The following GAREM1 variants were observed in gnomAD, a reference collection of about 807,000 sequenced individuals.
The protein encoded by GAREM1 is GRB2 associated regulator of MAPK1 subtype 1.
In GAREM1, 26 loss-of-function variants were observed where a neutral mutation model predicts 71.3. The observed-to-expected ratio is 0.36, with a 90% CI of 0.27 to 0.51. The LOEUF (loss-of-function observed/expected upper bound fraction) is 0.51. GAREM1 is among the 20% of genes least tolerant of loss of function. The pLI, the probability that GAREM1 is intolerant of heterozygous loss-of-function variation, is 0.95. For synonymous variants in GAREM1, 440 were observed against 433.2 expected (o/e 1.02, Z -0.20); for missense variants, 1,026 against 1,103.1 (o/e 0.93, Z 0.99).
chr18:32,284,907 G>A (rs1401797444), intron 4 of GAREM1, among the ~76,000 whole-genome samples: 6 of 151,810 alleles, frequency 4.0e-5, no homozygotes, highest in Non-Finnish European at 5.9e-5. Flanking sequence ...CCGCCACCAC[G>A]CCCAGCTAAT....
At chr18:32,276,472 C>T (rs2041543965) in intron 4 of GAREM1, among the ~76,000 whole-genome samples, 1 of 152,144 alleles carries the variant, frequency 6.6e-6, no homozygotes, top group Admixed American at 6.5e-5. Context: ...GGGAAACAAA[C>T]ATAATTAAAA....
At chr18:32,321,686 A>T (rs2047430598) in intron 2 of GAREM1, among the ~76,000 whole-genome samples, 1 of 152,090 alleles carries the variant, frequency 6.6e-6, no homozygotes, top group South Asian at 2.1e-4. Context: ...CTTTTCCCTA[A>T]TCTCTCACAT....
chr18:32,268,602 A>G lies in GAREM1; in HGVS notation c.1900T>C (p.Ser634Pro). 3 of 1,614,094 alleles carry G rather than the reference A, an allele frequency of 1.9e-6. No individual in the cohort carries two copies. The highest frequency in any genetic ancestry group is 2.5e-6 in the Non-Finnish European group (3 of 1,180,000). ...AAGTCACTCCTGGTCTGGCTTTCTG[A>G]TGCTCCTGAATAATGGTTAGGCCAT... is the stretch of plus-strand genomic sequence containing the variant. ...LSWPNHYSGA[S>P]ESQTRSDFLL... The change falls in exon 6 of 6, where the codon TCA becomes CCA. Residue 634 changes from serine (S) to proline (P), a missense_variant. Around this residue, in one of 3 missense-constraint regions of GAREM1, gnomAD observed 636 missense variants for 631.2 expected, o/e 1.01. Transcript: ENST00000269209.
chr18:32,413,318 C>T, intron 1 of GAREM1: 1 of 972,886 alleles, frequency 1.0e-6, no homozygotes, highest in Non-Finnish European at 1.5e-6. Flanking sequence ...TACCGCTTAG[C>T]CTTAAAAACA....
intron 3 of GAREM1, among the ~76,000 whole-genome samples, chr18:32,303,249 G>C (rs773358127): frequency 1.3e-5 from 2 of 152,184 alleles, no homozygotes; most frequent in Non-Finnish European, 2.9e-5. Context: ...TCTGAGACTT[G>C]AGAGTAGTAA....
intron 2 of GAREM1, among the ~76,000 whole-genome samples, chr18:32,350,452 A>G (rs1248725712): frequency 6.6e-6 from 1 of 152,176 alleles, no homozygotes; most frequent in Non-Finnish European, 1.5e-5. Context: ...TTCTTTAAAA[A>G]TAGAGTCAGG....
In GAREM1 at chr18:32,415,714, G is replaced by T. The variant is rs116513782; in HGVS notation, c.122-22679C>A. Among the ~76,000 whole-genome samples, 193 of 152,098 alleles carry T rather than the reference G, an allele frequency of 1.3e-3. 1 individual carries two copies. Among genetic ancestry groups the T allele is most frequent in the African/African-American group, 4.5e-3 (185 of 41,532 alleles). On this transcript the variant is annotated intron_variant, in intron 1 of 5. Transcript: ENST00000269209. ...AACCTCAAAAAACTGGGTATAGAAG[G>T]AACATACCTCAACATCATAAAGCCA...
chr18:32,412,954 T>TTGCATTCATAGC (rs2048434541), intron 1 of GAREM1: 3 of 1,189,854 alleles, frequency 2.5e-6, no homozygotes, highest in Non-Finnish European at 2.5e-6. Flanking sequence ...TTGTGTGGCC[T>TTGCATTCATAGC]TGCATTCATA....
intron 2 of GAREM1, among the ~76,000 whole-genome samples, chr18:32,322,151 G>A (rs1255264356): frequency 1.3e-5 from 2 of 152,150 alleles, no homozygotes; most frequent in Non-Finnish European, 2.9e-5. Context: ...CCTTGACCTC[G>A]CTCTGTTCCT....
chr18:32,371,830 A>G (rs1295092034), intron 2 of GAREM1, among the ~76,000 whole-genome samples: 1 of 152,198 alleles, frequency 6.6e-6, no homozygotes, highest in African/African-American at 2.4e-5. Flanking sequence ...GGAAAATGGC[A>G]CAAGTGATAA....
rs887575239 is a variant in GAREM1, at chr18:32,264,004, C to T, written c.*3867G>A. 1.3e-5 allele frequency: 2 copies of T among 152,104 alleles called. No homozygotes were observed. The highest frequency in any genetic ancestry group is 4.8e-5 in the African/African-American group (2 of 41,428). 9.4% of individuals were successfully genotyped at this position (152,104 alleles called of 1,614,324 possible). A position where few individuals can be genotyped will look rare whatever the true frequency, so the allele number is the denominator to read the frequency against. On this transcript the variant is annotated 3_prime_UTR_variant, in exon 6 of 6. Transcript: ENST00000269209. ...AGTTTAAACTGAAATCACGTTTATT[C>T]CTTGTTTCTGGCTATCACAATGAGA...
At chr18:32,357,049 C>A (rs1194656801) in intron 2 of GAREM1, among the ~76,000 whole-genome samples, 1 of 152,202 alleles carries the variant, frequency 6.6e-6, no homozygotes, top group Non-Finnish European at 1.5e-5. Flanking sequence ...AGTAGGGACA[C>A]AGAGGCTCTC....
chr18:32,375,298 C>T (rs921060210), intron 2 of GAREM1, among the ~76,000 whole-genome samples: 3 of 152,044 alleles, frequency 2.0e-5, no homozygotes, highest in Non-Finnish European at 4.4e-5. Flanking sequence ...CTCTCCATAG[C>T]GACCCTGGAG....
chr18:32,468,478 T>C (rs891518249), intron 1 of GAREM1, among the ~76,000 whole-genome samples: 2 of 152,192 alleles, frequency 1.3e-5, no homozygotes, highest in African/African-American at 4.8e-5. Context: ...AAATTTACAA[T>C]GAAGAATTGG....
chr18:32,358,493 C>T (rs2047828334), intron 2 of GAREM1, among the ~76,000 whole-genome samples: 1 of 152,134 alleles, frequency 6.6e-6, no homozygotes, highest in African/African-American at 2.4e-5. Flanking sequence ...GTGCTGCAAG[C>T]TTAGCTCTCC....
chr18:32,335,143 T>C (rs539541891), intron 2 of GAREM1, among the ~76,000 whole-genome samples: 1 of 152,368 alleles, frequency 6.6e-6, no homozygotes, highest in Admixed American at 6.5e-5. Flanking sequence ...AAGGCAACGA[T>C]TTCCTCTCTA....
chr18:32,354,291 T>G (rs766554783), intron 2 of GAREM1, among the ~76,000 whole-genome samples: 11 of 152,198 alleles, frequency 7.2e-5, no homozygotes, highest in Non-Finnish European at 1.5e-4. Flanking sequence ...ACTTTCAAGA[T>G]AGAGTTGCCA....
chr18:32,296,434 T>G (rs967508223), intron 3 of GAREM1, among the ~76,000 whole-genome samples: 2 of 152,204 alleles, frequency 1.3e-5, no homozygotes, highest in Non-Finnish European at 2.9e-5. Flanking sequence ...CAAGTTTTAT[T>G]TGGATTTCAC....
chr18:32,264,365 CT>C lies in GAREM1; in HGVS notation c.*3505del, dbSNP rs2041344897. On this transcript the variant is annotated 3_prime_UTR_variant, in exon 6 of 6. Transcript: ENST00000269209. ...CCAGTTTGTTATTCAAAATGTTAAT[CT>C]TATACTTGCTAGGCACGATGAGTAG... The C allele has an allele frequency of 6.6e-6, 1 of 152,280 alleles. No homozygotes were observed. The highest frequency in any genetic ancestry group is 2.1e-4 in the South Asian group (1 of 4,830). 9.4% of individuals were successfully genotyped at this position (152,280 alleles called of 1,614,324 possible).
Sources: gnomAD v4.1 joint callset for allele counts (sites outside exome capture counted in the v4.1 genomes callset) on GRCh38, gnomAD v4.1.1 for gene constraint, gnomAD v4.1.1 regional missense constraint, MANE v1.5 for transcripts, NCBI Gene and HGNC (gene_info 2026-07-23, HGNC 2026-07-21) for gene names.